THBS4: variants seen among roughly 807,000 people sequenced by gnomAD.
THBS4 encodes thrombospondin-4.
A neutral mutation model predicts 115.7 loss-of-function variants in THBS4; 90 were observed. The observed-to-expected ratio is 0.78, with a 90% CI of 0.66 to 0.93. The LOEUF (loss-of-function observed/expected upper bound fraction) is 0.93. Ranked by LOEUF, THBS4 falls within the 40% of genes least tolerant of loss-of-function variation. The pLI, the probability that THBS4 is intolerant of heterozygous loss-of-function variation, is 0.00. For synonymous variants in THBS4, 460 were observed against 479.3 expected (o/e 0.96, Z 0.53); for missense variants, 1,087 against 1,232.7 (o/e 0.88, Z 1.77).
At chr5:80,006,032 T>C (rs1832011327) in intron 2 of THBS4, among the ~76,000 whole-genome samples, 1 of 152,200 alleles carries the variant, frequency 6.6e-6, no homozygotes, top group South Asian at 2.1e-4. Context: ...CCCAAAGTAC[T>C]GGGATTACAA....
intron 2 of THBS4, among the ~76,000 whole-genome samples, chr5:80,023,132 C>T (rs922932138): frequency 2.0e-5 from 3 of 152,140 alleles, no homozygotes; most frequent in Admixed American, 6.5e-5. Context: ...AAAACCCAGT[C>T]CCTGATTATC....
At chr5:80,028,572 C>T (rs1832525260) in intron 2 of THBS4, among the ~76,000 whole-genome samples, 1 of 151,870 alleles carries the variant, frequency 6.6e-6, no homozygotes, top group Non-Finnish European at 1.5e-5. Context: ...GATTCTCCTG[C>T]CTCAGCCTCC....
intron 8 of THBS4, among the ~76,000 whole-genome samples, chr5:80,064,386 A>C (rs537904713): frequency 6.6e-6 from 1 of 152,398 alleles, no homozygotes; most frequent in Non-Finnish European, 1.5e-5. Flanking sequence ...GCCCACAGGC[A>C]AAATTTGGGC....
chr5:80,025,618 A>G (rs1468686609), intron 2 of THBS4, among the ~76,000 whole-genome samples: 4 of 152,166 alleles, frequency 2.6e-5, no homozygotes, highest in Non-Finnish European at 4.4e-5. Context: ...GGAATCATCA[A>G]TGGGGCTTGG....
intron 1 of THBS4, among the ~76,000 whole-genome samples, chr5:80,037,689 A>G (rs1832761000): frequency 6.6e-6 from 1 of 152,236 alleles, no homozygotes; most frequent in African/African-American, 2.4e-5. Flanking sequence ...TCAAAGGAAG[A>G]ATCAAGAGTA....
intron 1 of THBS4, among the ~76,000 whole-genome samples, chr5:79,994,219 G>A (rs1831744038): frequency 6.6e-6 from 1 of 152,086 alleles, no homozygotes; most frequent in African/African-American, 2.4e-5. Flanking sequence ...CCTTCCTAAG[G>A]TTAACTAACA....
upstream of THBS4, chr5:80,033,114 A>G (rs535970866): frequency 1.1e-5 from 3 of 276,882 alleles, no homozygotes; most frequent in Admixed American, 4.4e-5. Flanking sequence ...AAACAGGGTA[A>G]CATCAACAAA....
intron 2 of THBS4, among the ~76,000 whole-genome samples, chr5:80,010,970 G>A (rs1212365222): frequency 6.6e-6 from 1 of 152,214 alleles, no homozygotes; most frequent in South Asian, 2.1e-4. Flanking sequence ...CCTGGAAATA[G>A]CATTGATATG....
rs1743252907 is a variant in THBS4, at chr5:80,077,025, A to G, written c.2063A>G (p.Asn688Ser). 1.2e-6 allele frequency: 2 copies of G among 1,608,524 alleles called. No individual in the cohort carries two copies. The highest frequency in any genetic ancestry group is 1.7e-6 in the Non-Finnish European group (2 of 1,176,964). ...PGPDNCRLVPNPAQEDSNSDG... is the reference protein window; with the variant it reads ...PGPDNCRLVPSPAQEDSNSDG... Reference sequence around the variant, plus strand: ...CCAGACAACTGCCGGCTGGTCCCCAACCCAGCCCAGGAGGATAGCAACAGT... The same window carrying G: ...CCAGACAACTGCCGGCTGGTCCCCAGCCCAGCCCAGGAGGATAGCAACAGT... The change falls in exon 16 of 22, where the codon AAC becomes AGC. Residue 688 changes from asparagine to serine, a missense_variant. Around this residue, in one of 3 missense-constraint regions of THBS4, gnomAD observed 979 missense variants for 1,103.7 expected, o/e 0.89. Transcript: ENST00000350881.
upstream of THBS4, among the ~76,000 whole-genome samples, chr5:80,034,415 T>C (rs1832646393): frequency 6.6e-6 from 1 of 152,258 alleles, no homozygotes; most frequent in African/African-American, 2.4e-5. Flanking sequence ...AGCAATACTT[T>C]GCTGGATGTT....
intron 2 of THBS4, among the ~76,000 whole-genome samples, chr5:80,015,609 A>G (rs540275629): frequency 6.6e-6 from 1 of 152,314 alleles, no homozygotes; most frequent in Admixed American, 6.5e-5. Flanking sequence ...CTGGAACAAC[A>G]TCATCCTCAT....
At chr5:79,991,837 C>T (rs762405361) in intron 1 of THBS4, among the ~76,000 whole-genome samples, 1 of 152,214 alleles carries the variant, frequency 6.6e-6, no homozygotes, top group African/African-American at 2.4e-5. Context: ...CTTAACTCAC[C>T]TTCCCTGTGA....
intron 15 of THBS4, 130 bp downstream of exon 15, chr5:80,073,457 C>T (rs749095170): frequency 4.8e-5 from 38 of 786,624 alleles, no homozygotes; most frequent in Admixed American, 6.9e-5. Flanking sequence ...AATCTCGGCT[C>T]ACTGCAAGCT....
chr5:80,068,073 G>A lies in THBS4; in HGVS notation c.1295G>A (p.Cys432Tyr). ...TGCAGAAACCCAGAGCTGAACCCTTGCAGTGTGAATGCCCAGTGCATTGAA... is the reference window on the plus strand; with the variant it reads ...TGCAGAAACCCAGAGCTGAACCCTTACAGTGTGAATGCCCAGTGCATTGAA... ...RNCRNPELNPCSVNAQCIEER... is the reference protein window; with the variant it reads ...RNCRNPELNPYSVNAQCIEER... The change falls in exon 10 of 22, where the codon TGC becomes TAC. Residue 432 changes from cysteine to tyrosine, a missense_variant. This residue lies in a region of THBS4 where 979 missense variants were observed against 1,103.7 expected (regional missense o/e 0.89). Coordinates refer to ENST00000350881, the MANE Select transcript of THBS4 (RefSeq NM_003248.6). 6.2e-7 allele frequency: 1 copy of A among 1,614,236 alleles called. No homozygotes were observed. Among genetic ancestry groups the A allele is most frequent in the East Asian group, 2.2e-5 (1 of 44,890 alleles).
At chr5:80,082,581 C>G in intron 21 of THBS4, 36 bp downstream of exon 21, 3 of 1,610,722 alleles carry the variant, frequency 1.9e-6, no homozygotes, top group Non-Finnish European at 2.5e-6. Flanking sequence ...AACATTGTTA[C>G]TAGAATTAGT....
chr5:80,049,092 T>C (rs1026691639), intron 2 of THBS4, among the ~76,000 whole-genome samples: 3 of 152,232 alleles, frequency 2.0e-5, no homozygotes, highest in African/African-American at 7.2e-5. Flanking sequence ...CAAAATATTA[T>C]CATTTCCAGT....
intron 16 of THBS4, among the ~76,000 whole-genome samples, chr5:80,077,422 T>G (rs1219315373): frequency 6.6e-6 from 1 of 152,178 alleles, no homozygotes; most frequent in Non-Finnish European, 1.5e-5. Flanking sequence ...ATAGAGAGAA[T>G]GGCACAGTAG....
chr5:80,074,750 A>G (rs1231294346), intron 15 of THBS4, among the ~76,000 whole-genome samples: 1 of 151,624 alleles, frequency 6.6e-6, no homozygotes, highest in African/African-American at 2.4e-5. Context: ...CGTACCTGGG[A>G]TTACAGGTGT....
At chr5:80,066,304 C>T (rs1833823289) in intron 9 of THBS4, 1 of 152,086 alleles carries the variant, frequency 6.6e-6, no homozygotes, top group South Asian at 2.1e-4. Context: ...GAAAGTTATC[C>T]AGCCTCTAGG....
Sources: gnomAD v4.1 joint callset for allele counts (sites outside exome capture counted in the v4.1 genomes callset) on GRCh38, gnomAD v4.1.1 for gene constraint, gnomAD v4.1.1 regional missense constraint, MANE v1.5 for transcripts, NCBI Gene and HGNC (gene_info 2026-07-23, HGNC 2026-07-21) for gene names.